GPRIN3: variants seen among roughly 807,000 people sequenced by gnomAD.
The protein encoded by GPRIN3 is GPRIN family member 3, also known as G protein-regulated inducer of neurite outgrowth 3.
GPRIN3 carries 12 observed loss-of-function variants against 13.7 expected under a neutral mutation model. That is an observed-to-expected ratio of 0.87 (90% CI 0.56 to 1.42). The LOEUF is 1.42. GPRIN3 is among the 40% of genes most tolerant of loss of function. The pLI, the probability that GPRIN3 is intolerant of heterozygous loss-of-function variation, is 0.00. For synonymous variants in GPRIN3, 377 were observed against 372.7 expected (o/e 1.01, Z -0.13); for missense variants, 1,009 against 958.7 (o/e 1.05, Z -0.69).
At chr4:89,262,468 T>C (rs964864974) in intron 1 of GPRIN3, among the ~76,000 whole-genome samples, 1 of 152,098 alleles carries the variant, frequency 6.6e-6, no homozygotes, top group African/African-American at 2.4e-5. Context: ...ATAAAAAAAA[T>C]GTAAGGCCTG....
At chr4:89,304,900 A>G (rs746596479) in intron 1 of GPRIN3, among the ~76,000 whole-genome samples, 26 of 152,204 alleles carry the variant, frequency 1.7e-4, no homozygotes, top group Non-Finnish European at 3.1e-4. Context: ...AGACATTTGT[A>G]GATGAAATAT....
intron 1 of GPRIN3, among the ~76,000 whole-genome samples, chr4:89,261,279 A>G (rs1449934355): frequency 6.6e-6 from 1 of 152,180 alleles, no homozygotes; most frequent in Non-Finnish European, 1.5e-5. Flanking sequence ...TCCGCTCCCC[A>G]GATCCCAGTA....
intron 1 of GPRIN3, among the ~76,000 whole-genome samples, chr4:89,307,409 G>A (rs1054006112): frequency 1.3e-5 from 2 of 152,120 alleles, no homozygotes; most frequent in Admixed American, 6.5e-5. Flanking sequence ...GCCAAAGAGA[G>A]CAATGACCTT....
Position 89,252,058 on chromosome 4 carries a change from G to A in GPRIN3, c.-123-1825C>T, listed in dbSNP as rs112102204. 9.3e-4 allele frequency among the ~76,000 whole-genome samples: 141 copies of A among 151,206 alleles called. 1 individual carries two copies. The highest frequency in any genetic ancestry group is 3.3e-3 in the African/African-American group (136 of 41,166). On this transcript the variant is annotated intron_variant, in intron 1 of 1. Transcript: ENST00000609438. ...TGCAGTCATGGCTCACTGCAGCCTC[G>A]ACCTCCCAGGCTCAAGCTATCTTCC...
rs115047537 is a variant in GPRIN3, at chr4:89,296,144, G to A, written c.-124+11471C>T. Among the ~76,000 whole-genome samples, 903 of 152,070 alleles carry A rather than the reference G, an allele frequency of 5.9e-3. 11 individuals carry two copies. The highest frequency in any genetic ancestry group is 0.021 in the African/African-American group (858 of 41,454). On this transcript the variant is annotated intron_variant, in intron 1 of 1. Coordinates refer to ENST00000609438, the MANE Select transcript of GPRIN3 (RefSeq NM_198281.3). ...CAGTGCTCTCTACTGTGTTACCTCCGGGAACAAAGAGTTTGAATTCTGAAA... is the reference window on the plus strand; with the variant it reads ...CAGTGCTCTCTACTGTGTTACCTCCAGGAACAAAGAGTTTGAATTCTGAAA...
In GPRIN3 at chr4:89,270,631, T is replaced by C. The variant is rs370035181; in HGVS notation, c.-123-20398A>G. The stretch of plus-strand genomic sequence containing the variant: ...ATAGATATATATGCAGCCTCAACCT[T>C]CTGGCTCAAGCGATCCTCCCACCTC... On this transcript the variant is annotated intron_variant, in intron 1 of 1. Transcript: ENST00000609438. 2.0e-3 allele frequency among the ~76,000 whole-genome samples: 289 copies of C among 141,576 alleles called. 13 individuals carry two copies. The South Asian group carries it at 0.059, about 29-fold the overall frequency. The allele number at this position is 141,576 out of a possible 152,430, so 92.9% of individuals were successfully genotyped here. A position where few individuals can be genotyped will look rare whatever the true frequency, so the allele number is the denominator to read the frequency against.
chr4:89,275,136 C>CTGTGTGTGTGTGTGTGTG lies in GPRIN3; in HGVS notation c.-123-24921_-123-24904dup, dbSNP rs56091424. Among the ~76,000 whole-genome samples, 913 of 149,242 alleles carry CTGTGTGTGTGTGTGTGTG rather than the reference C, an allele frequency of 6.1e-3. 12 individuals carry two copies. The highest frequency in any genetic ancestry group is 0.022 in the African/African-American group (870 of 40,356). ...TTTTCCAATAATGGACTAAGTAACT[C>CTGTGTGTGTGTGTGTGTG]TGTGTGTGTGTGTGTGTGTGTGTCC... On this transcript the variant is annotated intron_variant, in intron 1 of 1. Transcript: ENST00000609438.
At position 89,237,093 on chromosome 4, in the gene GPRIN3, G is replaced by A. The variant is rs1002451056; in HGVS notation, c.*10687C>T. 8 of 152,238 alleles carry A rather than the reference G, an allele frequency of 5.3e-5. No individual in the cohort carries two copies. The highest frequency in any genetic ancestry group is 3.4e-3 in the Middle Eastern group (1 of 292). 9.4% of individuals were successfully genotyped at this position (152,238 alleles called of 1,614,324 possible). A position where few individuals can be genotyped will look rare whatever the true frequency, so the allele number is the denominator to read the frequency against. ...AGAGACGTCAAGCGGGACTAAAAAA[G>A]GTGTAGGGAAATACCATTCTTGAGA... On this transcript the variant is annotated 3_prime_UTR_variant, in exon 2 of 2. Transcript: ENST00000609438.
intron 1 of GPRIN3, among the ~76,000 whole-genome samples, 179 bp downstream of exon 1, chr4:89,307,436 C>T (rs1397175102): frequency 6.6e-6 from 1 of 152,164 alleles, no homozygotes; most frequent in East Asian, 1.9e-4. Flanking sequence ...AAATTCATCA[C>T]CTGCGAGAAA....
intron 1 of GPRIN3, among the ~76,000 whole-genome samples, chr4:89,306,825 T>C (rs1036111): frequency 0.38 from 57,614 of 151,958 alleles, 12,226 homozygotes; most frequent in East Asian, 0.54. Context: ...TGCCTTCCCA[T>C]CACCCAAAAT....
chr4:89,240,135 T>A lies in GPRIN3; in HGVS notation c.*7645A>T, dbSNP rs1054653095. On this transcript the variant is annotated 3_prime_UTR_variant, in exon 2 of 2. Transcript: ENST00000609438. The stretch of plus-strand genomic sequence containing the variant: ...ACAATATCAATTAACTGGTTGGAAT[T>A]ATGATAAGCTGACAAATCTTGTTCA... The A allele has an allele frequency of 1.3e-5, 2 of 152,194 alleles. No homozygotes were observed. Among genetic ancestry groups the A allele is most frequent in the Admixed American group, 6.5e-5 (1 of 15,284 alleles). 9.4% of individuals were successfully genotyped at this position (152,194 alleles called of 1,614,324 possible).
At chr4:89,298,818 A>G (rs1724812515) in intron 1 of GPRIN3, among the ~76,000 whole-genome samples, 1 of 152,026 alleles carries the variant, frequency 6.6e-6, no homozygotes, top group Admixed American at 6.6e-5. Flanking sequence ...CAGTTGGAGG[A>G]AAGCTTTGAT....
chr4:89,304,017 T>A (rs1043296410), intron 1 of GPRIN3, among the ~76,000 whole-genome samples: 17 of 152,142 alleles, frequency 1.1e-4, no homozygotes, highest in African/African-American at 4.1e-4. Context: ...ATTCTTTGCT[T>A]CCTCCTTCTA....
intron 1 of GPRIN3, among the ~76,000 whole-genome samples, chr4:89,279,046 A>C (rs554667532): frequency 1.9e-4 from 29 of 152,344 alleles, no homozygotes; most frequent in Admixed American, 4.6e-4. Flanking sequence ...AAGGCAGGGC[A>C]GCTTGACTGG....
intron 1 of GPRIN3, among the ~76,000 whole-genome samples, chr4:89,258,231 A>ATT (rs34494592): frequency 0.022 from 3,247 of 147,974 alleles, 99 homozygotes; most frequent in African/African-American, 0.068. Flanking sequence ...AAGCCTGAGC[A>ATT]TTTTTTTTTT....
At chr4:89,291,090 G>C (rs1239964217) in intron 1 of GPRIN3, among the ~76,000 whole-genome samples, 2 of 152,080 alleles carry the variant, frequency 1.3e-5, no homozygotes, top group Admixed American at 6.5e-5. Context: ...AATAAACAGA[G>C]AGCAGGATTA....
chr4:89,276,175 C>A (rs1422502254), intron 1 of GPRIN3, among the ~76,000 whole-genome samples: 1 of 152,184 alleles, frequency 6.6e-6, no homozygotes, highest in Non-Finnish European at 1.5e-5. Context: ...ACCAACCATT[C>A]TTTAACAGAT....
chr4:89,284,721 T>C (rs999191372), intron 1 of GPRIN3, among the ~76,000 whole-genome samples: 3 of 152,216 alleles, frequency 2.0e-5, no homozygotes, highest in Non-Finnish European at 4.4e-5. Flanking sequence ...ATTATGGCAG[T>C]GGGGGAGATC....
intron 1 of GPRIN3, among the ~76,000 whole-genome samples, chr4:89,275,721 G>A (rs1016275846): frequency 2.0e-5 from 3 of 152,134 alleles, no homozygotes; most frequent in Non-Finnish European, 4.4e-5. Flanking sequence ...CCTTTGACTC[G>A]GTTGTTATTT....
Sources: allele counts gnomAD v4.1 joint callset (sites outside exome capture counted in the v4.1 genomes callset), GRCh38; gene constraint gnomAD v4.1.1; transcripts MANE v1.5; gene names NCBI Gene and HGNC (gene_info 2026-07-23, HGNC 2026-07-21).